The following IFNLR1 variants were observed in gnomAD, a reference collection of about 807,000 sequenced individuals.
The protein encoded by IFNLR1 is CRF2-12.
A neutral mutation model predicts 52.5 loss-of-function variants in IFNLR1; 28 were observed. The observed-to-expected ratio is 0.53, with a 90% CI of 0.40 to 0.73. The LOEUF (loss-of-function observed/expected upper bound fraction) is 0.73. IFNLR1 is among the 30% of genes least tolerant of loss of function. The probability of loss-of-function intolerance (pLI) is 0.00; values close to 1 mark genes in which losing one functional copy is unlikely to be tolerated. For synonymous variants in IFNLR1, 276 were observed against 274.9 expected, an observed-to-expected ratio of 1.00 and a Z score of -0.04; for missense variants, 623 against 659.1, an observed-to-expected ratio of 0.95 and a Z score of 0.60.
At chr1:24,165,874 T>G (rs998303167) in intron 3 of IFNLR1, among the ~76,000 whole-genome samples, 2 of 152,104 alleles carry the variant, frequency 1.3e-5, no homozygotes, top group African/African-American at 4.8e-5. Context: ...GCTGAAAGTT[T>G]GGGGTAAATG....
intron 1 of IFNLR1, among the ~76,000 whole-genome samples, chr1:24,183,815 C>T (rs1300819576): frequency 1.3e-5 from 2 of 152,188 alleles, no homozygotes; most frequent in East Asian, 3.9e-4. Context: ...CTGCAACCTC[C>T]ACCTCCCGGG....
chr1:24,176,732 T>C (rs78666423), intron 2 of IFNLR1, among the ~76,000 whole-genome samples: 38,777 of 152,092 alleles, frequency 0.25, 5,928 homozygotes, highest in East Asian at 0.36. Flanking sequence ...GAATAGTAGA[T>C]AGATAGACAG....
At chr1:24,163,053 C>A (rs1250743702) in intron 3 of IFNLR1, among the ~76,000 whole-genome samples, 1 of 147,296 alleles carries the variant, frequency 6.8e-6, no homozygotes, top group African/African-American at 2.5e-5. Flanking sequence ...CTCTGCCTCC[C>A]GGATTCATGC....
intron 1 of IFNLR1, among the ~76,000 whole-genome samples, chr1:24,182,286 T>C (rs1476872780): frequency 6.6e-6 from 1 of 151,972 alleles, no homozygotes; most frequent in African/African-American, 2.4e-5. Flanking sequence ...AGGGCAGGCT[T>C]GCCAGCCACT....
intron 3 of IFNLR1, 34 bp from the exon 4 acceptor site, chr1:24,161,718 C>A (rs1033004714): frequency 1.4e-4 from 198 of 1,454,970 alleles, no homozygotes; most frequent in Non-Finnish European, 1.7e-4. Flanking sequence ...TCAGTAATCC[C>A]GAGGGGCCGC....
At chr1:24,172,355 A>G (rs1329616327) in intron 2 of IFNLR1, among the ~76,000 whole-genome samples, 3 of 152,170 alleles carry the variant, frequency 2.0e-5, no homozygotes, top group Non-Finnish European at 2.9e-5. Context: ...GAACAGATCA[A>G]AACTGGAACC....
At chr1:24,171,215 T>C (rs1384442370) in intron 2 of IFNLR1, among the ~76,000 whole-genome samples, 1 of 152,156 alleles carries the variant, frequency 6.6e-6, no homozygotes, top group African/African-American at 2.4e-5. Context: ...GAAATTTTAA[T>C]ACATCTCACC....
At chr1:24,173,271 A>C (rs981992423) in intron 2 of IFNLR1, among the ~76,000 whole-genome samples, 3 of 152,206 alleles carry the variant, frequency 2.0e-5, no homozygotes, top group African/African-American at 7.2e-5. Flanking sequence ...CCTAATAAAA[A>C]GTGGAAAAAT....
chr1:24,161,463 G>T, intron 4 of IFNLR1, 79 bp downstream of exon 4: 1 of 1,497,750 alleles, frequency 6.7e-7, no homozygotes, highest in Non-Finnish European at 9.1e-7. Context: ...GCAGGAGCAG[G>T]CTGGGAGGGT....
chr1:24,165,469 C>A (rs541426938), intron 3 of IFNLR1, among the ~76,000 whole-genome samples: 1 of 152,324 alleles, frequency 6.6e-6, no homozygotes, highest in African/African-American at 2.4e-5. Flanking sequence ...TAAAATGCTA[C>A]TTGTTTCTTT....
At chr1:24,171,193 C>T (rs1466559754) in intron 2 of IFNLR1, among the ~76,000 whole-genome samples, 1 of 152,174 alleles carries the variant, frequency 6.6e-6, no homozygotes, top group Non-Finnish European at 1.5e-5. Context: ...TGAACAGCCA[C>T]ACTTACAACA....
chr1:24,158,857 C>T, intron 6 of IFNLR1, 195 bp downstream of exon 6: 1 of 649,906 alleles, frequency 1.5e-6, no homozygotes, highest in Non-Finnish European at 2.7e-6. Flanking sequence ...ACTGCTCCCT[C>T]CAGGGCCTGT....
chr1:24,157,860 G>C lies in IFNLR1; in HGVS notation c.833C>G (p.Thr278Ser). The C allele has an allele frequency of 6.2e-7, 1 of 1,607,742 alleles. No individual in the cohort carries two copies. The highest frequency in any genetic ancestry group is 8.5e-7 in the Non-Finnish European group (1 of 1,177,054). ...GGACTCTGGTCTGCTGGGCTGAAAG[G>C]TTGCCACAGGGTGTGTGTGTCCAGA... ...DFSGHTHPVA[T>S]FQPSRPESVN... Residue 278 changes from threonine to serine, a missense_variant, in exon 7 of 7, where the codon ACC (threonine) becomes AGC (serine). Physicochemically the swap from Thr to Ser is moderately conservative, Grantham distance 58. Coordinates refer to ENST00000327535, the MANE Select transcript of IFNLR1 (RefSeq NM_170743.4). This position sits in a 1 kb window ranked among gnomAD's most constrained non-coding sequence, Gnocchi z 5.1.
chr1:24,183,821 C>T (rs1173418680), intron 1 of IFNLR1, among the ~76,000 whole-genome samples: 5 of 152,154 alleles, frequency 3.3e-5, no homozygotes, highest in African/African-American at 1.2e-4. Flanking sequence ...CCTCCACCTC[C>T]CGGGTTCAAG....
intron 2 of IFNLR1, among the ~76,000 whole-genome samples, chr1:24,177,282 G>A (rs750490740): frequency 2.6e-4 from 39 of 152,162 alleles, no homozygotes; most frequent in African/African-American, 9.4e-4. Context: ...ACGATAGGCC[G>A]TCAGCAAGGT....
Position 24,161,627 on chromosome 1 carries a change from T to A in IFNLR1, c.425A>T (p.Asn142Ile). 1 of 1,549,188 alleles carries A rather than the reference T, an allele frequency of 6.5e-7. No individual in the cohort carries two copies. The highest frequency in any genetic ancestry group is 8.7e-7 in the Non-Finnish European group (1 of 1,145,166). Residue 142 changes from asparagine to isoleucine, a missense_variant, in exon 4 of 7, where the codon AAT (asparagine) becomes ATT (isoleucine). Asn to Ile is a moderately radical substitution (Grantham distance 149, BLOSUM62 -3). Coordinates refer to ENST00000327535, the MANE Select transcript of IFNLR1 (RefSeq NM_170743.4). Reference sequence around the variant, plus strand: ...GCAGGGGGGCAGCTGGTACGTGGCATTGGCACTCAGGATCTCCTCCGTCTG... The same window carrying A: ...GCAGGGGGGCAGCTGGTACGTGGCAATGGCACTCAGGATCTCCTCCGTCTG... ...LTQTEEILSA[N>I]ATYQLPPCMP...
intron 2 of IFNLR1, among the ~76,000 whole-genome samples, chr1:24,170,142 C>A (rs1039817424): frequency 6.6e-6 from 1 of 152,246 alleles, no homozygotes; most frequent in African/African-American, 2.4e-5. Context: ...AGCGAGAAGG[C>A]ACCATCTTGG....
intron 3 of IFNLR1, among the ~76,000 whole-genome samples, chr1:24,165,345 A>G (rs1644507815): frequency 6.6e-6 from 1 of 152,146 alleles, no homozygotes; most frequent in Non-Finnish European, 1.5e-5. Flanking sequence ...TCCTTTCTCA[A>G]GTTTTCAATT....
At chr1:24,162,737 TTTC>T (rs1644461085) in intron 3 of IFNLR1, among the ~76,000 whole-genome samples, 2 of 25,152 alleles carry the variant, frequency 8.0e-5, no homozygotes, top group African/African-American at 2.8e-4. Flanking sequence ...TCTTTCTTTC[TTTC>T]TTTCTTTCTT....
Sources: allele counts gnomAD v4.1 joint callset (sites outside exome capture counted in the v4.1 genomes callset), GRCh38; gene constraint gnomAD v4.1.1; non-coding constraint Gnocchi (gnomAD v3.1); transcripts MANE v1.5; gene names NCBI Gene and HGNC (gene_info 2026-07-23, HGNC 2026-07-21).